Variants in NAALADL2 observed in about 807,000 individuals in gnomAD.
The protein encoded by NAALADL2 is N-acetylated alpha-linked acidic dipeptidase like 2, also known as inactive N-acetylated-alpha-linked acidic dipeptidase-like protein 2.
NAALADL2 carries 76 observed loss-of-function variants against 87.2 expected under a neutral mutation model. The observed-to-expected ratio is 0.87, with a 90% CI of 0.72 to 1.05. The LOEUF (loss-of-function observed/expected upper bound fraction) is 1.05. NAALADL2 is among the 50% of genes least tolerant of loss of function. NAALADL2 has a pLI of 0.00. For missense variants in NAALADL2, 1,089 were observed against 945.8 expected (o/e 1.15, Z -1.99); for synonymous variants, 354 against 331.0 (o/e 1.07, Z -0.75).
chr3:175,434,948 T>C (rs1254052026), intron 5 of NAALADL2, among the ~76,000 whole-genome samples: 1 of 152,046 alleles, frequency 6.6e-6, no homozygotes, highest in Non-Finnish European at 1.5e-5. Context: ...TTTCCAAATG[T>C]TCATGTTTTT....
chr3:174,602,960 A>C (rs1480681025), intron 2 of NAALADL2, among the ~76,000 whole-genome samples: 1 of 152,066 alleles, frequency 6.6e-6, no homozygotes, highest in Non-Finnish European at 1.5e-5. Context: ...CCATCATTAC[A>C]TTCCTGCGAT....
intron 3 of NAALADL2, among the ~76,000 whole-genome samples, chr3:174,767,034 T>C (rs1036076818): frequency 6.6e-6 from 1 of 152,050 alleles, no homozygotes; most frequent in Non-Finnish European, 1.5e-5. Context: ...CAGCCCTGGG[T>C]GGTAGCCCTG....
chr3:174,709,948 G>A (rs1730459360), intron 2 of NAALADL2, among the ~76,000 whole-genome samples: 1 of 152,142 alleles, frequency 6.6e-6, no homozygotes, highest in African/African-American at 2.4e-5. Flanking sequence ...TTCATTCAAG[G>A]TGTATATCAT....
chr3:174,933,740 G>A (rs900589432), intron 1 of NAALADL2, among the ~76,000 whole-genome samples: 10 of 152,046 alleles, frequency 6.6e-5, no homozygotes, highest in East Asian at 1.9e-4. Context: ...GATATCTTTC[G>A]TTTTTAAAGG....
intron 2 of NAALADL2, among the ~76,000 whole-genome samples, chr3:174,587,112 C>T (rs1716812403): frequency 6.6e-6 from 1 of 151,958 alleles, no homozygotes; most frequent in African/African-American, 2.4e-5. Flanking sequence ...CCATAGTTTG[C>T]TGAGAATGAT....
intron 5 of NAALADL2, among the ~76,000 whole-genome samples, chr3:175,394,284 T>A (rs562154309): frequency 2.6e-5 from 4 of 151,592 alleles, no homozygotes; most frequent in African/African-American, 9.7e-5. Context: ...ATAGAAGGAG[T>A]AAGTTTTAAC....
At chr3:175,087,826 A>G (rs1411043041) in intron 1 of NAALADL2, among the ~76,000 whole-genome samples, 1 of 151,838 alleles carries the variant, frequency 6.6e-6, no homozygotes, top group Non-Finnish European at 1.5e-5. Context: ...TCACATGTTT[A>G]TCTGCTGACC....
At chr3:175,607,811 G>A (rs1723976116) in intron 10 of NAALADL2, among the ~76,000 whole-genome samples, 1 of 151,838 alleles carries the variant, frequency 6.6e-6, no homozygotes, top group African/African-American at 2.4e-5. Flanking sequence ...TGAATTTCAA[G>A]CATCCGTGAG....
In NAALADL2 at chr3:175,738,496, C is replaced by A. The variant is rs377106896; in HGVS notation, c.1990+1097C>A. 2.6e-5 allele frequency among the ~76,000 whole-genome samples: 4 copies of A among 152,328 alleles called. No individual in the cohort carries two copies. In the South Asian group the frequency reaches 8.3e-4, roughly 32 times the overall value. ...TACTGAGCTCAGGCAATCTGCCTGC[C>A]TCGGCCTCCCGAAGTGCTGGAATTA... On this transcript the variant is annotated intron_variant, in intron 12 of 13. Coordinates refer to ENST00000454872, the MANE Select transcript of NAALADL2 (RefSeq NM_207015.3).
At chr3:175,184,627 C>G (rs930393641) in intron 2 of NAALADL2, among the ~76,000 whole-genome samples, 1 of 151,882 alleles carries the variant, frequency 6.6e-6, no homozygotes. Flanking sequence ...GTTACTTCCT[C>G]TTTGTAGTGC....
At chr3:174,988,883 C>T (rs1196614033) in intron 1 of NAALADL2, among the ~76,000 whole-genome samples, 1 of 152,268 alleles carries the variant, frequency 6.6e-6, no homozygotes, top group East Asian at 1.9e-4. Context: ...TAAAAACTAC[C>T]TGAGGCTGGG....
intron 1 of NAALADL2, chr3:174,458,609 A>T (rs1716002813): frequency 6.6e-6 from 1 of 152,166 alleles, no homozygotes; most frequent in African/African-American, 2.4e-5. Flanking sequence ...AGGTCAAGGG[A>T]ATCAATAATG....
chr3:175,092,039 A>T (rs1720233075), intron 1 of NAALADL2, among the ~76,000 whole-genome samples: 2 of 151,938 alleles, frequency 1.3e-5, no homozygotes, highest in Admixed American at 1.3e-4. Flanking sequence ...GTGGAAAAAA[A>T]TAGTGAATGA....
rs113566220 is a variant in NAALADL2, at chr3:175,471,528, A to G, written c.1534-111A>G. 824 of 679,880 alleles carry G rather than the reference A, an allele frequency of 1.2e-3. 7 individuals carry two copies. In the African/African-American group the frequency reaches 0.014, roughly 12 times the overall value. 42.1% of individuals were successfully genotyped at this position (679,880 alleles called of 1,614,324 possible). Reference sequence around the variant, plus strand: ...AAAAAAAAAAGAAGGTAATTATGCAATATAATAATTTTAAGTATGAAATGA... The same window carrying G: ...AAAAAAAAAAGAAGGTAATTATGCAGTATAATAATTTTAAGTATGAAATGA... On this transcript the variant is annotated intron_variant, in intron 8 of 13. Coordinates refer to ENST00000454872, the MANE Select transcript of NAALADL2 (RefSeq NM_207015.3).
intron 11 of NAALADL2, among the ~76,000 whole-genome samples, chr3:175,726,649 T>C (rs1372230673): frequency 6.6e-6 from 1 of 152,082 alleles, no homozygotes; most frequent in Non-Finnish European, 1.5e-5. Flanking sequence ...CTATTGGCGG[T>C]CTTGTCTTCC....
At chr3:174,579,049 A>G (rs928249034) in intron 2 of NAALADL2, among the ~76,000 whole-genome samples, 13 of 152,008 alleles carry the variant, frequency 8.6e-5, no homozygotes, top group Non-Finnish European at 5.9e-5. Flanking sequence ...AAAATCACAC[A>G]GAGACCACTA....
rs529550339 is a variant in NAALADL2, at chr3:175,531,266, G to A, written c.1654-44775G>A. Among the ~76,000 whole-genome samples the A allele has an allele frequency of 2.1e-4, 32 of 151,928 alleles. No homozygotes were observed. In the East Asian group the frequency reaches 5.6e-3, roughly 27 times the overall value. On this transcript the variant is annotated intron_variant, in intron 9 of 13. Transcript: ENST00000454872. ...CTCCAAAATCGAAATAGGCCCACTA[G>A]GCATTGTGCCTCTTTCTTGGTCATA...
chr3:174,899,347 G>A (rs533898559), intron 1 of NAALADL2, among the ~76,000 whole-genome samples: 23 of 152,282 alleles, frequency 1.5e-4, no homozygotes, highest in African/African-American at 5.5e-4. Flanking sequence ...CAAATCTCAT[G>A]TTGAAACATA....
At position 175,630,414 on chromosome 3, in the gene NAALADL2, T is replaced by G. The variant is rs1169743850; in HGVS notation, c.1896+3028T>G. ...TAGGATTCTGTGAGGTTGAAATAGATGATGTATACGTTTTCTCTAGAAATG... is the reference window on the plus strand; with the variant it reads ...TAGGATTCTGTGAGGTTGAAATAGAGGATGTATACGTTTTCTCTAGAAATG... On this transcript the variant is annotated intron_variant, in intron 11 of 13. Coordinates refer to ENST00000454872, the MANE Select transcript of NAALADL2 (RefSeq NM_207015.3). 2.6e-5 allele frequency among the ~76,000 whole-genome samples: 4 copies of G among 151,868 alleles called. No homozygotes were observed. In the East Asian group the frequency reaches 7.7e-4, roughly 29 times the overall value.
Sources: allele counts gnomAD v4.1 joint callset (sites outside exome capture counted in the v4.1 genomes callset), GRCh38; gene constraint gnomAD v4.1.1; transcripts MANE v1.5; gene names NCBI Gene and HGNC (gene_info 2026-07-23, HGNC 2026-07-21).